AGAP2: variants seen among roughly 807,000 people sequenced by gnomAD.
AGAP2 encodes ArfGAP with GTPase domain, ankyrin repeat and PH domain 2.
A neutral mutation model predicts 110.9 loss-of-function variants in AGAP2; 32 were observed. The observed-to-expected ratio is 0.29, with a 90% CI of 0.22 to 0.39. The LOEUF (loss-of-function observed/expected upper bound fraction) is 0.39. Ranked by LOEUF, AGAP2 falls within the 10% of genes least tolerant of loss-of-function variation. The pLI is 1.00. For missense variants in AGAP2, 1,285 were observed against 1,638.5 expected (o/e 0.78, Z 3.72); for synonymous variants, 702 against 713.0 (o/e 0.98, Z 0.25).
Position 57,734,153 on chromosome 12 carries a change from A to T in AGAP2, c.1422T>A (p.Ala474=). The change falls in exon 5 of 19, where the codon GCT becomes GCA. Residue 474 remains alanine, a synonymous_variant. Coordinates refer to ENST00000547588, the MANE Select transcript of AGAP2 (RefSeq NM_001122772.3). ...CCTCCAGGCTGAAGACGAAGATCAC[A>T]GCATCTGCCCAGCCTGAGAACTTGC... is the stretch of plus-strand genomic sequence containing the variant. ...PDAKFSGWAD[A]VIFVFSLEDE... 6.2e-7 allele frequency: 1 copy of T among 1,612,234 alleles called. No individual in the cohort carries two copies. Among genetic ancestry groups the T allele is most frequent in the Non-Finnish European group, 8.5e-7 (1 of 1,178,812 alleles).
Position 57,738,140 on chromosome 12 carries a change from G to T in AGAP2, c.107C>A (p.Ala36Glu). The T allele has an allele frequency of 6.6e-7, 1 of 1,521,984 alleles. No individual in the cohort carries two copies. The allele number at this position is 1,521,984 out of a possible 1,614,324, so 94.3% of individuals were successfully genotyped here. The stretch of plus-strand genomic sequence containing the variant: ...GGCACCGGCGGCGCCGGCCGCGGCC[G>T]CAGACGGAGAAGGCGGCGGCGGAGG... ...SVPPPPPSPS[A>E]AAAGAAGARG... The change falls in exon 1 of 19, where the codon GCG (alanine) becomes GAG (glutamate). Residue 36 changes from alanine to glutamate, a missense_variant. Ala to Glu is a moderately radical substitution (Grantham distance 107). Coordinates refer to ENST00000547588, the MANE Select transcript of AGAP2 (RefSeq NM_001122772.3). The surrounding 1 kb of genome is among the most constrained non-coding windows in gnomAD (Gnocchi z 6.7).
rs1411483971 is a variant in AGAP2, at chr12:57,738,190, C to G, written c.57G>C (p.Leu19=). The change falls in exon 1 of 19, where the codon CTG becomes CTC. Residue 19 remains leucine, a synonymous_variant. Transcript: ENST00000547588. This position sits in a 1 kb window ranked among gnomAD's most constrained non-coding sequence, Gnocchi z 6.7. ...QRRTTTYLIS[L]TLVKLESVPP... is the part of the protein sequence containing the mutation. The stretch of plus-strand genomic sequence containing the variant: ...GCACCGACTCGAGCTTAACCAGGGT[C>G]AGCGAGATGAGGTAGGTCGTTGTCC... 6.6e-7 allele frequency: 1 copy of G among 1,525,696 alleles called. No homozygotes were observed. Among genetic ancestry groups the G allele is most frequent in the Admixed American group, 2.0e-5 (1 of 50,568 alleles). The allele number at this position is 1,525,696 out of a possible 1,614,324, so 94.5% of individuals were successfully genotyped here. A position where few individuals can be genotyped will look rare whatever the true frequency, so the allele number is the denominator to read the frequency against.
rs1276454262 is a variant in AGAP2, at chr12:57,738,055, C to T, written c.192G>A (p.Lys64=). The change falls in exon 1 of 19, where the codon AAG becomes AAA. Residue 64 remains lysine (K), a synonymous_variant. Transcript: ENST00000547588. This position sits in a 1 kb window ranked among gnomAD's most constrained non-coding sequence, Gnocchi z 6.7. ...GCCGGTGGAAGAGACGTTCGTGCCG[C>T]TTCTTGCCCGGCTCCTCCGCGCCTC... ...SPRGAEEPGK[K]RHERLFHRQD... is the part of the protein sequence containing the mutation. 14 of 1,523,234 alleles carry T rather than the reference C, an allele frequency of 9.2e-6. No homozygotes were observed. The highest frequency in any genetic ancestry group is 2.0e-5 in the Admixed American group (1 of 50,252). The allele number at this position is 1,523,234 out of a possible 1,614,324, so 94.4% of individuals were successfully genotyped here.
At chr12:57,733,940 A>G (rs1954930905) in intron 5 of AGAP2, 86 bp downstream of exon 5, 1 of 1,465,804 alleles carries the variant, frequency 6.8e-7, no homozygotes, top group Non-Finnish European at 9.1e-7. Context: ...TCCACACCTT[A>G]CCAAGTTCTC....
At chr12:57,736,045 T>G (rs1265815413) in intron 1 of AGAP2, among the ~76,000 whole-genome samples, 1 of 152,134 alleles carries the variant, frequency 6.6e-6, no homozygotes, top group Non-Finnish European at 1.5e-5. Context: ...AAGGGCTCCA[T>G]CGCCTGGCCG....
chr12:57,730,555 CTGG>C lies in AGAP2; in HGVS notation c.2365_2367del (p.Pro789del). ...TTCAGCAGGTGTTTGGATGTCTGAT[CTGG>C]TGGTGGCTGCAGGGAACTGGGGCTG... On this transcript the variant is annotated inframe_deletion, in exon 12 of 19. Transcript: ENST00000547588. The C allele has an allele frequency of 6.2e-7, 1 of 1,614,206 alleles. No homozygotes were observed. Among genetic ancestry groups the C allele is most frequent in the Non-Finnish European group, 8.5e-7 (1 of 1,180,044 alleles).
chr12:57,740,337 A>G (rs1234673163), upstream of AGAP2, among the ~76,000 whole-genome samples: 1 of 152,066 alleles, frequency 6.6e-6, no homozygotes, highest in African/African-American at 2.4e-5. Flanking sequence ...CAGAACCAAG[A>G]TGACACCATC....
Position 57,727,030 on chromosome 12 carries a change from G to C in AGAP2, c.3280C>G (p.Pro1094Ala), listed in dbSNP as rs1954780020. 6.2e-7 allele frequency: 1 copy of C among 1,609,440 alleles called. No individual in the cohort carries two copies. The highest frequency in any genetic ancestry group is 1.3e-5 in the African/African-American group (1 of 74,858). The change falls in exon 18 of 19, where the codon CCA (proline) becomes GCA (alanine). Residue 1094 changes from proline to alanine, a missense_variant. Pro to Ala is a conservative substitution (Grantham distance 27). Coordinates refer to ENST00000547588, the MANE Select transcript of AGAP2 (RefSeq NM_001122772.3). Reference sequence around the variant, plus strand: ...GCGAGCTCGGCCGCCAGGTGGAGTGGGGAGCGCAGCTGTGGGTCCTCTACG... The same window carrying C: ...GCGAGCTCGGCCGCCAGGTGGAGTGCGGAGCGCAGCTGTGGGTCCTCTACG... ...TSVEDPQLRS[P>A]LHLAAELAHV...
Position 57,735,362 on chromosome 12 carries a change from T to A in AGAP2, c.1227+7A>T, listed in dbSNP as rs1182493540. ...TTCCCTATAGGCAAGGGGACTGGGT[T>A]ACCTACCAGGCGCAGTTCAGGAATG... On this transcript the variant is annotated splice_region_variant and intron_variant, in intron 2 of 18. Transcript: ENST00000547588. The A allele has an allele frequency of 6.2e-7, 1 of 1,613,708 alleles. No homozygotes were observed. The highest frequency in any genetic ancestry group is 1.7e-5 in the Admixed American group (1 of 59,972).
Position 57,737,521 on chromosome 12 carries a change from G to A in AGAP2, c.726C>T (p.Ala242=), listed in dbSNP as rs760250505. The A allele has an allele frequency of 6.4e-7, 1 of 1,574,536 alleles. No homozygotes were observed. Among genetic ancestry groups the A allele is most frequent in the Non-Finnish European group, 8.6e-7 (1 of 1,160,284 alleles). The part of the protein sequence containing the change: ...ASVSAAATAA[A]AGGGGSTAST... ...AAGCTGTAGAGCCCCCTCCCCCGGC[G>A]GCGGCGGCGGTGGCGGCGGCAGAGA... Residue 242 remains alanine, a synonymous_variant, in exon 1 of 19, where the codon GCC becomes GCT. Transcript: ENST00000547588. The surrounding 1 kb of genome is among the most constrained non-coding windows in gnomAD (Gnocchi z 5.9).
At position 57,730,877 on chromosome 12, in the gene AGAP2, G is replaced by A. The variant is rs1388891996; in HGVS notation, c.2222C>T (p.Pro741Leu). 6.2e-7 allele frequency: 1 copy of A among 1,611,354 alleles called. No homozygotes were observed. The highest frequency in any genetic ancestry group is 2.2e-5 in the East Asian group (1 of 44,796). Residue 741 changes from proline (P) to leucine (L), a missense_variant, in exon 11 of 19, where the codon CCG becomes CTG. Around this residue, in one of 7 missense-constraint regions of AGAP2, gnomAD observed 135 missense variants for 182.0 expected, o/e 0.74. Transcript: ENST00000547588. ...GGGGCCAAAGGCAGAGATGGCCCTC[G>A]GGGGCCGCTTGCCCGGGACTTTGAC... is the stretch of plus-strand genomic sequence containing the variant. ...TTVKVPGKRP[P>L]RAISAFGPSA...
In AGAP2 at chr12:57,738,729, G is replaced by A. The variant is rs1481609565; in HGVS notation, c.-483C>T. Among the ~76,000 whole-genome samples the A allele has an allele frequency of 1.3e-5, 2 of 151,490 alleles. No homozygotes were observed. Among genetic ancestry groups the A allele is most frequent in the African/African-American group, 4.9e-5 (2 of 41,220 alleles). On this transcript the variant is annotated 5_prime_UTR_variant, in exon 1 of 19. Transcript: ENST00000547588. The surrounding 1 kb of genome is among the most constrained non-coding windows in gnomAD (Gnocchi z 6.7). ...CGGTCGGAAAGAGGGTCTAGAGGAGGGTGGGAAGCTAGTGGGGCTGGCCGT... is the reference window on the plus strand; with the variant it reads ...CGGTCGGAAAGAGGGTCTAGAGGAGAGTGGGAAGCTAGTGGGGCTGGCCGT...
Position 57,730,591 on chromosome 12 carries a change from G to A in AGAP2, c.2332C>T (p.Pro778Ser). Residue 778 changes from proline to serine, a missense_variant, in exon 12 of 19, where the codon CCT (proline) becomes TCT (serine). By Grantham distance (74) the Pro-to-Ser change is moderately conservative. Coordinates refer to ENST00000547588, the MANE Select transcript of AGAP2 (RefSeq NM_001122772.3). ...GLEATTPMPS[P>S]SPSPSSLQPP... Reference sequence around the variant, plus strand: ...TGCAGGGAACTGGGGCTGGGGCTAGGGCTTGGCATGGGAGTAGTGGCTTCT... The same window carrying A: ...TGCAGGGAACTGGGGCTGGGGCTAGAGCTTGGCATGGGAGTAGTGGCTTCT... 2.5e-6 allele frequency: 4 copies of A among 1,614,024 alleles called. No homozygotes were observed. Among genetic ancestry groups the A allele is most frequent in the South Asian group, 1.1e-5 (1 of 91,078 alleles).
chr12:57,734,604 C>G lies in AGAP2; in HGVS notation c.1303G>C (p.Glu435Gln), dbSNP rs1327377051. 6.2e-7 allele frequency: 1 copy of G among 1,614,204 alleles called. No individual in the cohort carries two copies. The highest frequency in any genetic ancestry group is 8.5e-7 in the Non-Finnish European group (1 of 1,180,028). The change falls in exon 3 of 19, where the codon GAG becomes CAG. Residue 435 changes from glutamate to glutamine, a missense_variant. By Grantham distance (29) the Glu-to-Gln change is conservative. This residue lies in a region of AGAP2 where 844 missense variants were observed against 941.2 expected (regional missense o/e 0.90). Coordinates refer to ENST00000547588, the MANE Select transcript of AGAP2 (RefSeq NM_001122772.3). ...CTTCAGAACTCACTCTCTGTCTTCTCCAGCACCTGGTATGAGCCAGTCAGG... is the reference window on the plus strand; with the variant it reads ...CTTCAGAACTCACTCTCTGTCTTCTGCAGCACCTGGTATGAGCCAGTCAGG... Reference protein sequence around the residue: ...RFLTGSYQVLEKTESEQYKKE... With the variant: ...RFLTGSYQVLQKTESEQYKKE...
Position 57,737,419 on chromosome 12 carries a change from C to T in AGAP2, c.828G>A (p.Leu276=). The change falls in exon 1 of 19, where the codon TTG becomes TTA. Residue 276 remains leucine (L), a synonymous_variant. Coordinates refer to ENST00000547588, the MANE Select transcript of AGAP2 (RefSeq NM_001122772.3). The surrounding 1 kb of genome is among the most constrained non-coding windows in gnomAD (Gnocchi z 5.9). ...LSPRKGKSKT[L]DNSDLHPGPP... The stretch of plus-strand genomic sequence containing the variant: ...GTCCCGGATGCAAGTCACTGTTGTC[C>T]AAGGTCTTACTCTTGCCTTTCCGAG... 6.2e-7 allele frequency: 1 copy of T among 1,613,790 alleles called. No homozygotes were observed. The highest frequency in any genetic ancestry group is 8.5e-7 in the Non-Finnish European group (1 of 1,179,804).
chr12:57,733,970 C>T, intron 5 of AGAP2, 56 bp downstream of exon 5: 2 of 1,514,752 alleles, frequency 1.3e-6, no homozygotes, highest in Non-Finnish European at 8.8e-7. Flanking sequence ...GGGCAATATC[C>T]CAGTAGCCTC....
chr12:57,732,376 T>A lies in AGAP2; in HGVS notation c.1794+27A>T, dbSNP rs532300398. 1.6e-4 allele frequency: 253 copies of A among 1,559,104 alleles called. 1 individual carries two copies. In the South Asian group the frequency reaches 2.2e-3, roughly 13 times the overall value. On this transcript the variant is annotated intron_variant, in intron 7 of 18. Coordinates refer to ENST00000547588, the MANE Select transcript of AGAP2 (RefSeq NM_001122772.3). Reference sequence around the variant, plus strand: ...AGCCCCTCTGCATCTTACCGGCCCCTCTGCAGACTCTGAAACCCCAACTCA... The same window carrying A: ...AGCCCCTCTGCATCTTACCGGCCCCACTGCAGACTCTGAAACCCCAACTCA...
chr12:57,729,852 G>C, intron 12 of AGAP2, 85 bp from the exon 13 acceptor site: 1 of 1,515,996 alleles, frequency 6.6e-7, no homozygotes, highest in South Asian at 1.3e-5. Context: ...CCCTGAACTA[G>C]CTTTGGCATT....
In AGAP2 at chr12:57,726,470, G is replaced by C. The variant is rs543522621; in HGVS notation, c.*82C>G. ...GGCGGGGTGCGGATCGGAGAGGTGA[G>C]TGGGTGCGTCTGTCCAGCGGTCCGC... On this transcript the variant is annotated 3_prime_UTR_variant, in exon 19 of 19. Transcript: ENST00000547588. The surrounding 1 kb of genome is among the most constrained non-coding windows in gnomAD (Gnocchi z 5.7). 6 of 1,128,802 alleles carry C rather than the reference G, an allele frequency of 5.3e-6. No homozygotes were observed. The highest frequency in any genetic ancestry group is 5.4e-6 in the Non-Finnish European group (5 of 919,188). 69.9% of individuals were successfully genotyped at this position (1,128,802 alleles called of 1,614,324 possible).
Sources: gnomAD v4.1 joint callset for allele counts (sites outside exome capture counted in the v4.1 genomes callset) on GRCh38, gnomAD v4.1.1 for gene constraint, gnomAD v4.1.1 regional missense constraint, Gnocchi (gnomAD v3.1) non-coding constraint, MANE v1.5 for transcripts, NCBI Gene and HGNC (gene_info 2026-07-23, HGNC 2026-07-21) for gene names.